Variants in POLA2 observed in about 807,000 individuals in gnomAD.
POLA2 encodes DNA polymerase alpha 2, accessory subunit.
A neutral mutation model predicts 82.8 loss-of-function variants in POLA2; 47 were observed. That is an observed-to-expected ratio of 0.57 (90% CI 0.45 to 0.72). POLA2 has a LOEUF of 0.72. Among genes scored for constraint, POLA2 ranks in the 30% least tolerant of loss-of-function variants. The probability of loss-of-function intolerance (pLI) is 0.00; values close to 1 mark genes in which losing one functional copy is unlikely to be tolerated. For missense variants in POLA2, 634 were observed against 728.1 expected, an observed-to-expected ratio of 0.87 and a Z score of 1.49; for synonymous variants, 287 against 286.8, an observed-to-expected ratio of 1.00 and a Z score of -0.01.
chr11:65,292,608 C>A (rs1949766671), intron 13 of POLA2, among the ~76,000 whole-genome samples: 1 of 152,210 alleles, frequency 6.6e-6, no homozygotes, highest in Non-Finnish European at 1.5e-5. Context: ...GACCCTGGCA[C>A]CCAAATGGTG....
At chr11:65,296,158 A>C (rs2137600143) in intron 17 of POLA2, 168 bp downstream of exon 17, 607 of 641,904 alleles carry the variant, frequency 9.5e-4, no homozygotes, top group Middle Eastern at 1.7e-3. Context: ...CCAGAAAACA[A>C]ACAACTCTGT....
chr11:65,270,271 C>T (rs913218034), intron 4 of POLA2, among the ~76,000 whole-genome samples: 2 of 152,194 alleles, frequency 1.3e-5, no homozygotes, highest in Non-Finnish European at 2.9e-5. Context: ...AATCCCAGCA[C>T]TCCGGGAGAC....
rs910749414 is a variant in POLA2, at chr11:65,280,860, G to A, written c.745-132G>A. 16 of 840,924 alleles carry A rather than the reference G, an allele frequency of 1.9e-5. No individual in the cohort carries two copies. In the East Asian group the frequency reaches 4.1e-4, roughly 22 times the overall value. The allele number at this position is 840,924 out of a possible 1,614,324, so 52.1% of individuals were successfully genotyped here. A position where few individuals can be genotyped will look rare whatever the true frequency, so the allele number is the denominator to read the frequency against. On this transcript the variant is annotated intron_variant, in intron 7 of 17. Transcript: ENST00000265465. The stretch of plus-strand genomic sequence containing the variant: ...AGTGATGACGCGGTAGTCACCTCAG[G>A]GTCAAAGCAATGCCCTGCCAAGAAA...
At chr11:65,284,546 T>TA (rs1411099551) in intron 10 of POLA2, among the ~76,000 whole-genome samples, 1 of 151,488 alleles carries the variant, frequency 6.6e-6, no homozygotes, top group African/African-American at 2.4e-5. Context: ...TTTTTTTTTT[T>TA]AGACAGAGTT....
intron 3 of POLA2, among the ~76,000 whole-genome samples, chr11:65,268,333 T>C (rs1314125556): frequency 6.6e-6 from 1 of 151,568 alleles, no homozygotes; most frequent in Non-Finnish European, 1.5e-5. Flanking sequence ...TTGCCTTATA[T>C]GAAAGTTTAT....
intron 1 of POLA2, among the ~76,000 whole-genome samples, chr11:65,265,963 T>G (rs1055565069): frequency 2.0e-5 from 3 of 152,166 alleles, no homozygotes; most frequent in African/African-American, 7.2e-5. Flanking sequence ...TACTGATGGT[T>G]CCCAAATTTA....
At position 65,297,597 on chromosome 11, in the gene POLA2, G is replaced by T. The variant is rs949940763; in HGVS notation, c.*328G>T. Reference sequence around the variant, plus strand: ...ATCAAACACAGAAACAACTTTTGGAGAAATTAAATTCTGAGTGTGACTTCT... The same window carrying T: ...ATCAAACACAGAAACAACTTTTGGATAAATTAAATTCTGAGTGTGACTTCT... On this transcript the variant is annotated 3_prime_UTR_variant, in exon 18 of 18. Transcript: ENST00000265465. The T allele has an allele frequency of 9.6e-6, 2 of 207,828 alleles. No individual in the cohort carries two copies. Among genetic ancestry groups the T allele is most frequent in the African/African-American group, 4.6e-5 (2 of 43,416 alleles). The allele number at this position is 207,828 out of a possible 1,614,324, so 12.9% of individuals were successfully genotyped here. A position where few individuals can be genotyped will look rare whatever the true frequency, so the allele number is the denominator to read the frequency against.
At chr11:65,278,966 C>T (rs1949611886) in intron 6 of POLA2, 43 bp downstream of exon 6, 1 of 1,562,042 alleles carries the variant, frequency 6.4e-7, no homozygotes, top group Non-Finnish European at 8.8e-7. Flanking sequence ...TATAAAACCA[C>T]CTAGAAGGGT....
At chr11:65,305,442 A>G in exon 9 of POLA2, 1 of 455,338 alleles carries the variant, frequency 2.2e-6, no homozygotes, top group Non-Finnish European at 4.4e-6. Flanking sequence ...GAGGAGAAAC[A>G]GCCCTGTTGA....
At chr11:65,300,625 C>T (rs1011803121), downstream of POLA2, among the ~76,000 whole-genome samples, 3 of 152,142 alleles carry the variant, frequency 2.0e-5, no homozygotes, top group Non-Finnish European at 4.4e-5. Context: ...CTCTGTCACT[C>T]AGGCTGGAGT....
At position 65,297,186 on chromosome 11, in the gene POLA2, G is replaced by A. The variant is rs764422239; in HGVS notation, c.1714G>A (p.Ala572Thr). The change falls in exon 18 of 18, where the codon GCC (alanine) becomes ACC (threonine). Residue 572 changes from alanine to threonine, a missense_variant. Coordinates refer to ENST00000265465, the MANE Select transcript of POLA2 (RefSeq NM_002689.4). The stretch of plus-strand genomic sequence containing the variant: ...CAAAGGGCAGGTGGGAGGCACCTTC[G>A]CCCGACTCTACCTTAGGAGGCCGGC... ...LTKGQVGGTF[A>T]RLYLRRPAAD... The A allele has an allele frequency of 3.1e-6, 5 of 1,613,598 alleles. No individual in the cohort carries two copies. Among genetic ancestry groups the A allele is most frequent in the African/African-American group, 1.3e-5 (1 of 74,892 alleles).
chr11:65,297,155 C>T lies in POLA2; in HGVS notation c.1683C>T (p.Arg561=). 6.2e-7 allele frequency: 1 copy of T among 1,614,090 alleles called. No individual in the cohort carries two copies. Among genetic ancestry groups the T allele is most frequent in the Non-Finnish European group, 8.5e-7 (1 of 1,180,018 alleles). The stretch of plus-strand genomic sequence containing the variant: ...GCTGTGTCTGTGTGAACCCTGGGCG[C>T]CTTACCAAAGGGCAGGTGGGAGGCA... ...VLGCVCVNPG[R]LTKGQVGGTF... Residue 561 remains arginine (R), a synonymous_variant, in exon 18 of 18, where the codon CGC becomes CGT. Transcript: ENST00000265465.
rs374352197 is a variant in POLA2 at position 65,262,247 on chromosome 11, G to T, written c.-46G>T. The T allele has an allele frequency of 4.6e-6, 7 of 1,532,064 alleles. No individual in the cohort carries two copies. The African/African-American group carries it at 8.2e-5, about 18-fold the overall frequency. 94.9% of individuals were successfully genotyped at this position (1,532,064 alleles called of 1,614,324 possible). A position where few individuals can be genotyped will look rare whatever the true frequency, so the allele number is the denominator to read the frequency against. The stretch of plus-strand genomic sequence containing the variant: ...ACCCCCGTGGGCTTCTTGGGCGCAG[G>T]TCGGAGCTGGGTGGGCCGGCTCCCC... On this transcript the variant is annotated 5_prime_UTR_variant, in exon 1 of 18. Coordinates refer to ENST00000265465, the MANE Select transcript of POLA2 (RefSeq NM_002689.4).
intron 4 of POLA2, among the ~76,000 whole-genome samples, chr11:65,271,276 G>A (rs1260411405): frequency 6.6e-6 from 1 of 152,170 alleles, no homozygotes; most frequent in African/African-American, 2.4e-5. Context: ...GAATAAGGGA[G>A]TGTGGTTGGC....
intron 7 of POLA2, 75 bp from the exon 8 acceptor site, chr11:65,280,917 T>A: frequency 1.4e-6 from 2 of 1,448,554 alleles, no homozygotes; most frequent in South Asian, 2.4e-5. Flanking sequence ...GTTTTGCTAT[T>A]CACCCTATCG....
intron 13 of POLA2, among the ~76,000 whole-genome samples, chr11:65,290,496 A>G (rs994987781): frequency 6.6e-6 from 1 of 152,054 alleles, no homozygotes; most frequent in Non-Finnish European, 1.5e-5. Context: ...AGACCACACC[A>G]TTGCACTCCA....
Position 65,288,449 on chromosome 11 carries a change from T to C in POLA2, c.1132-601T>C, listed in dbSNP as rs73484971. Among the ~76,000 whole-genome samples the C allele has an allele frequency of 5.6e-3, 856 of 152,156 alleles. 10 individuals carry two copies. Among genetic ancestry groups the C allele is most frequent in the African/African-American group, 0.02 (820 of 41,518 alleles). On this transcript the variant is annotated intron_variant, in intron 11 of 17. Coordinates refer to ENST00000265465, the MANE Select transcript of POLA2 (RefSeq NM_002689.4). Reference sequence around the variant, plus strand: ...ACTATTATTAGTATGGTGATCAATTTACCTTGCTAGATTTAGAAAGTCAGA... The same window carrying C: ...ACTATTATTAGTATGGTGATCAATTCACCTTGCTAGATTTAGAAAGTCAGA...
intron 1 of POLA2, among the ~76,000 whole-genome samples, chr11:65,265,337 C>G (rs1359662149): frequency 1.3e-5 from 2 of 152,154 alleles, no homozygotes; most frequent in Non-Finnish European, 1.5e-5. Flanking sequence ...TACTCAAGGT[C>G]ACCAGTGACC....
Position 65,298,675 on chromosome 11 carries a change from T to G in POLA2, c.*1406T>G, listed in dbSNP as rs1374409884. The G allele has an allele frequency of 6.6e-6, 1 of 152,256 alleles. No homozygotes were observed. The highest frequency in any genetic ancestry group is 1.5e-5 in the Non-Finnish European group (1 of 68,044). 9.4% of individuals were successfully genotyped at this position (152,256 alleles called of 1,614,324 possible). On this transcript the variant is annotated 3_prime_UTR_variant, in exon 18 of 18. Coordinates refer to ENST00000265465, the MANE Select transcript of POLA2 (RefSeq NM_002689.4). ...ACCAGGGTACAGTAAAAGGTCTTCC[T>G]TTAAACACAAGGAGCAGCTGTTTTA...
Sources: gnomAD v4.1 joint callset for allele counts (sites outside exome capture counted in the v4.1 genomes callset) on GRCh38, gnomAD v4.1.1 for gene constraint, MANE v1.5 for transcripts, NCBI Gene and HGNC (gene_info 2026-07-23, HGNC 2026-07-21) for gene names.